The following TEP1 variants were observed in gnomAD, a reference collection of about 807,000 sequenced individuals.
TEP1 encodes telomerase associated protein 1.
In TEP1, 241 loss-of-function variants were observed where a neutral mutation model predicts 306.3. The observed-to-expected ratio is 0.79, with a 90% CI of 0.71 to 0.88. TEP1 has a LOEUF of 0.88. TEP1 is among the 40% of genes least tolerant of loss of function. The probability of loss-of-function intolerance (pLI) is 0.00; values close to 1 mark genes in which losing one functional copy is unlikely to be tolerated. For synonymous variants in TEP1, 1,289 were observed against 1,305.5 expected, an observed-to-expected ratio of 0.99 and a Z score of 0.27; for missense variants, 3,051 against 3,276.1, an observed-to-expected ratio of 0.93 and a Z score of 1.68.
chr14:20,394,085 C>A (rs888455215), intron 12 of TEP1, among the ~76,000 whole-genome samples: 4 of 150,680 alleles, frequency 2.7e-5, no homozygotes, highest in Non-Finnish European at 4.4e-5. Flanking sequence ...AAAATCCTGT[C>A]TCAAAAAAAA....
chr14:20,372,884 G>T (rs757759281), intron 48 of TEP1, 27 bp from the exon 49 acceptor site: 1 of 1,613,964 alleles, frequency 6.2e-7, no homozygotes, highest in Non-Finnish European at 8.5e-7. Context: ...GTTCAATTCA[G>T]TGCTTCTGAT....
Position 20,381,819 on chromosome 14 carries a change from C to G in TEP1, c.4424+94G>C. 1 of 1,551,804 alleles carries G rather than the reference C, an allele frequency of 6.4e-7. No homozygotes were observed. Among genetic ancestry groups the G allele is most frequent in the Non-Finnish European group, 8.7e-7 (1 of 1,151,556 alleles). Reference sequence around the variant, plus strand: ...GCTGGAGCAGTAGCTCATTCATGGTCTGGGAGCCAGTTGTTGAAGCTATAC... The same window carrying G: ...GCTGGAGCAGTAGCTCATTCATGGTGTGGGAGCCAGTTGTTGAAGCTATAC... On this transcript the variant is annotated intron_variant, in intron 30 of 54. Transcript: ENST00000262715. This position sits in a 1 kb window ranked among gnomAD's most constrained non-coding sequence, Gnocchi z 4.0.
chr14:20,383,113 C>T lies in TEP1; in HGVS notation c.4047+61G>A, dbSNP rs1876739667. The T allele has an allele frequency of 2.0e-6, 3 of 1,519,874 alleles. No homozygotes were observed. The Admixed American group carries it at 6.6e-5, about 34-fold the overall frequency. The allele number at this position is 1,519,874 out of a possible 1,614,324, so 94.1% of individuals were successfully genotyped here. A position where few individuals can be genotyped will look rare whatever the true frequency, so the allele number is the denominator to read the frequency against. On this transcript the variant is annotated intron_variant, in intron 27 of 54. Coordinates refer to ENST00000262715, the MANE Select transcript of TEP1 (RefSeq NM_007110.5). ...AAGGCAGCTAGCGGCCTCGGCACCC[C>T]AGGTCCTCATAGCTCCCAGATTCAC...
At position 20,407,991 on chromosome 14, in the gene TEP1, A is replaced by C; in HGVS notation, c.449T>G (p.Leu150Arg). 2 of 1,614,234 alleles carry C rather than the reference A, an allele frequency of 1.2e-6. No homozygotes were observed. Among genetic ancestry groups the C allele is most frequent in the South Asian group, 1.1e-5 (1 of 91,088 alleles). ...CCTCCAACTTGGAGGCTCAGAGAGC[A>C]GGCAATTGCTGTTGTTCACACGGTA... Reference protein sequence around the residue: ...DLYRVNNSNCLLSEPPSWRAQ... With the variant: ...DLYRVNNSNCRLSEPPSWRAQ... Residue 150 changes from leucine (L) to arginine (R), a missense_variant, in exon 2 of 55, where the codon CTG becomes CGG. Physicochemically the swap from Leu to Arg is moderately radical, Grantham distance 102 (BLOSUM62 -2). Coordinates refer to ENST00000262715, the MANE Select transcript of TEP1 (RefSeq NM_007110.5).
In TEP1 at chr14:20,378,005, C is replaced by G. The variant is rs550201306; in HGVS notation, c.5721+19G>C. 6.2e-7 allele frequency: 1 copy of G among 1,611,730 alleles called. No individual in the cohort carries two copies. Among genetic ancestry groups the G allele is most frequent in the Non-Finnish European group, 8.5e-7 (1 of 1,179,808 alleles). On this transcript the variant is annotated intron_variant, in intron 39 of 54. Transcript: ENST00000262715. ...GCTACTCCTCCTCACAACCCACCAC[C>G]AGCCCTCTGCAAGCTGACCTTGCCA... is the stretch of plus-strand genomic sequence containing the variant.
At position 20,395,434 on chromosome 14, in the gene TEP1, G is replaced by C; in HGVS notation, c.1928+16C>G. 1 of 1,560,166 alleles carries C rather than the reference G, an allele frequency of 6.4e-7. No individual in the cohort carries two copies. Among genetic ancestry groups the C allele is most frequent in the Non-Finnish European group, 8.8e-7 (1 of 1,141,384 alleles). ...CCCGATTGCCCACCCTTGGCTCCCA[G>C]ACAGTGCATACATACCTGGCCTTGT... On this transcript the variant is annotated intron_variant, in intron 12 of 54. Transcript: ENST00000262715.
chr14:20,387,931 G>C lies in TEP1; in HGVS notation c.2658C>G (p.Ser886Arg). ...SLRPLEEDTP[S>R]PLAPVSQQGW... ...CTTGCTGGGAAACAGGAGCCAAGGGGCTTGGAGTGTCCTCTTCCAGTGGCC... is the reference window on the plus strand; with the variant it reads ...CTTGCTGGGAAACAGGAGCCAAGGGCCTTGGAGTGTCCTCTTCCAGTGGCC... Residue 886 changes from serine (S) to arginine (R), a missense_variant, in exon 18 of 55, where the codon AGC becomes AGG. Ser to Arg is a moderately radical substitution (Grantham distance 110, BLOSUM62 -1). Around this residue, in one of 3 missense-constraint regions of TEP1, gnomAD observed 1,507 missense variants for 1,550.5 expected, o/e 0.97. Coordinates refer to ENST00000262715, the MANE Select transcript of TEP1 (RefSeq NM_007110.5). The C allele has an allele frequency of 6.2e-7, 1 of 1,613,334 alleles. No homozygotes were observed. The highest frequency in any genetic ancestry group is 8.5e-7 in the Non-Finnish European group (1 of 1,179,752).
chr14:20,410,738 C>T (rs868109846), intron 1 of TEP1, among the ~76,000 whole-genome samples: 5 of 147,746 alleles, frequency 3.4e-5, no homozygotes, highest in South Asian at 4.3e-4. Flanking sequence ...CTGTGCCTGG[C>T]GGACTCCTTT....
chr14:20,377,957 C>T, intron 39 of TEP1, 67 bp downstream of exon 39: 1 of 1,576,424 alleles, frequency 6.3e-7, no homozygotes, highest in South Asian at 1.1e-5. Flanking sequence ...ACCCCCACCC[C>T]CACCAAGATA....
chr14:20,393,655 G>A (rs1877929243), intron 12 of TEP1, among the ~76,000 whole-genome samples: 1 of 152,086 alleles, frequency 6.6e-6, no homozygotes, highest in Non-Finnish European at 1.5e-5. Context: ...AGCGGGGTGT[G>A]GTGGTATGCA....
At chr14:20,383,461 C>T (rs372896816) in intron 26 of TEP1, 27 bp downstream of exon 26, 45 of 1,613,676 alleles carry the variant, frequency 2.8e-5, no homozygotes, top group African/African-American at 2.7e-4. Flanking sequence ...GCCTGCCTCC[C>T]GACACCCACC....
In TEP1 at chr14:20,383,935, C is replaced by T. The variant is rs144201146; in HGVS notation, c.3535-17G>A. On this transcript the variant is annotated splice_polypyrimidine_tract_variant and intron_variant, in intron 24 of 54. Coordinates refer to ENST00000262715, the MANE Select transcript of TEP1 (RefSeq NM_007110.5). ...AAGAGATGCCTGCATGGGACAGGAA[C>T]AGAAAACATGGTCACATTTTACATG... 2.8e-4 allele frequency: 450 copies of T among 1,594,672 alleles called. 3 individuals carry two copies. The East Asian group carries it at 7.6e-3, about 27-fold the overall frequency.
chr14:20,369,845 C>T (rs1884721265), intron 51 of TEP1, 66 bp from the exon 52 acceptor site: 11 of 1,287,362 alleles, frequency 8.5e-6, no homozygotes, highest in Non-Finnish European at 1.1e-6. Context: ...GACAAAACAA[C>T]AGTTTTCTGC....
intron 17 of TEP1, among the ~76,000 whole-genome samples, chr14:20,388,359 T>TC (rs1183550296): frequency 6.6e-6 from 1 of 152,032 alleles, no homozygotes. Flanking sequence ...ATTAAAGCCA[T>TC]CCCAGTCTGG....
In TEP1 at chr14:20,403,932, C is replaced by G. The variant is rs772763908; in HGVS notation, c.1033-48G>C. 7.4e-6 allele frequency: 12 copies of G among 1,611,134 alleles called. No individual in the cohort carries two copies. The African/African-American group carries it at 1.6e-4, about 22-fold the overall frequency. On this transcript the variant is annotated intron_variant, in intron 5 of 54. Coordinates refer to ENST00000262715, the MANE Select transcript of TEP1 (RefSeq NM_007110.5). Reference sequence around the variant, plus strand: ...CACTAGAAGCAAGACCCAAACCAACCCTCCAAAACAAAACGAGATCACTTC... The same window carrying G: ...CACTAGAAGCAAGACCCAAACCAACGCTCCAAAACAAAACGAGATCACTTC...
At position 20,408,303 on chromosome 14, in the gene TEP1, G is replaced by C; in HGVS notation, c.137C>G (p.Ser46Cys). 1.2e-6 allele frequency: 2 copies of C among 1,613,958 alleles called. No homozygotes were observed. Among genetic ancestry groups the C allele is most frequent in the South Asian group, 2.2e-5 (2 of 91,072 alleles). ...CGTGGCTAGGCACTGGTTCTTCAAG[G>C]AGAGGATATCTGAGTGGGTAGATAC... Reference protein sequence around the residue: ...QHVSTHSDILSLKNQCLATLP... With the variant: ...QHVSTHSDILCLKNQCLATLP... Residue 46 changes from serine to cysteine, a missense_variant, in exon 2 of 55, where the codon TCC becomes TGC. By Grantham distance (112) the Ser-to-Cys change is moderately radical. Coordinates refer to ENST00000262715, the MANE Select transcript of TEP1 (RefSeq NM_007110.5).
chr14:20,372,852 T>C lies in TEP1; in HGVS notation c.6957A>G (p.Pro2319=), dbSNP rs1422893242. 1 of 1,614,088 alleles carries C rather than the reference T, an allele frequency of 6.2e-7. No individual in the cohort carries two copies. Among genetic ancestry groups the C allele is most frequent in the Non-Finnish European group, 8.5e-7 (1 of 1,180,046 alleles). ...ACCAGATCAGAGCACCAATGTGGCC[T>C]GGAGCCTGGTGTACACAACAAGTTC... ...EAKAVATAQA[P]GHIGALIWSS... is the part of the protein sequence containing the mutation. Residue 2319 remains proline, a synonymous_variant, in exon 49 of 55, where the codon CCA becomes CCG. Transcript: ENST00000262715.
At chr14:20,401,407 A>G (rs1164002135) in intron 8 of TEP1, 50 bp downstream of exon 8, 1 of 1,605,780 alleles carries the variant, frequency 6.2e-7, no homozygotes, top group African/African-American at 1.3e-5. Flanking sequence ...GATGTTGAAA[A>G]GTTAAGGAAT....
In TEP1 at chr14:20,405,552, C is replaced by A. The variant is rs749341656; in HGVS notation, c.769G>T (p.Val257Phe). ...ALLSLLCSTL[V>F]SEVNMNNTSD... is the part of the protein sequence containing the mutation. ...GTATTGTTCATGTTTACTTCTGAGA[C>A]CAGAGTAGAGCACAGCAAGCTCAGT... The change falls in exon 4 of 55, where the codon GTC becomes TTC. Residue 257 changes from valine (V) to phenylalanine (F), a missense_variant. By Grantham distance (50) the Val-to-Phe change is conservative (BLOSUM62 -1). This residue lies in a region of TEP1 where 1,507 missense variants were observed against 1,550.5 expected (regional missense o/e 0.97). Coordinates refer to ENST00000262715, the MANE Select transcript of TEP1 (RefSeq NM_007110.5). The A allele has an allele frequency of 2.5e-6, 4 of 1,613,920 alleles. No individual in the cohort carries two copies. The African/African-American group carries it at 4.0e-5, about 16-fold the overall frequency.
Sources: allele counts gnomAD v4.1 joint callset (sites outside exome capture counted in the v4.1 genomes callset), GRCh38; gene constraint gnomAD v4.1.1; regional missense constraint gnomAD v4.1.1; non-coding constraint Gnocchi (gnomAD v3.1); transcripts MANE v1.5; gene names NCBI Gene and HGNC (gene_info 2026-07-23, HGNC 2026-07-21).